DAPK2: variants seen among roughly 807,000 people sequenced by gnomAD.
DAPK2 encodes death associated protein kinase 2, also known as death-associated protein kinase 2.
A neutral mutation model predicts 44.1 loss-of-function variants in DAPK2; 35 were observed. The observed-to-expected ratio is 0.79, with a 90% CI of 0.61 to 1.05. The LOEUF (loss-of-function observed/expected upper bound fraction) is 1.05, where lower values mean the gene tolerates loss of function less well. Among genes scored for constraint, DAPK2 ranks in the 50% least tolerant of loss-of-function variants. The pLI is 0.00. For synonymous variants in DAPK2, 174 were observed against 182.6 expected (o/e 0.95, Z 0.38); for missense variants, 453 against 483.2 (o/e 0.94, Z 0.59).
At chr15:64,034,706 T>C (rs2080129282) in intron 1 of DAPK2, among the ~76,000 whole-genome samples, 2 of 152,250 alleles carry the variant, frequency 1.3e-5, no homozygotes, top group African/African-American at 4.8e-5. Context: ...GAGAAGTTTC[T>C]GCCTTTGAGT....
chr15:64,006,634 C>T (rs1428541911), intron 1 of DAPK2, among the ~76,000 whole-genome samples: 3 of 152,164 alleles, frequency 2.0e-5, no homozygotes, highest in South Asian at 4.1e-4. Flanking sequence ...AATTTCTTAC[C>T]GTCACCTCAC....
At chr15:64,017,441 G>A (rs1386708150) in intron 1 of DAPK2, among the ~76,000 whole-genome samples, 1 of 152,186 alleles carries the variant, frequency 6.6e-6, no homozygotes, top group Non-Finnish European at 1.5e-5. Flanking sequence ...CTCCACCGAG[G>A]TGGCTCTGCT....
upstream of DAPK2, among the ~76,000 whole-genome samples, chr15:64,043,831 C>T (rs1351643322): frequency 6.6e-6 from 1 of 152,182 alleles, no homozygotes; most frequent in Admixed American, 6.5e-5. Context: ...CCCATAAGGG[C>T]AAGAATTGTG....
chr15:63,967,100 A>T (rs2078075344), intron 3 of DAPK2, among the ~76,000 whole-genome samples: 1 of 152,156 alleles, frequency 6.6e-6, no homozygotes, highest in Non-Finnish European at 1.5e-5. Flanking sequence ...GAATGGCGTG[A>T]ACCTGGTAGG....
chr15:63,959,399 G>C (rs907391111), intron 3 of DAPK2, among the ~76,000 whole-genome samples: 6 of 152,196 alleles, frequency 3.9e-5, no homozygotes, highest in Non-Finnish European at 5.9e-5. Flanking sequence ...ATGTTGAATA[G>C]GAGTGGTGAG....
chr15:63,983,560 C>T lies in DAPK2; in HGVS notation c.287G>A (p.Arg96His), dbSNP rs201432861. 1.2e-4 allele frequency: 195 copies of T among 1,614,044 alleles called. No homozygotes were observed. Among genetic ancestry groups the T allele is most frequent in the Non-Finnish European group, 1.5e-4 (181 of 1,180,008 alleles). Residue 96 changes from arginine (R) to histidine (H), a missense_variant, in exon 2 of 11, where the codon CGC (arginine) becomes CAC (histidine). Transcript: ENST00000261891. ...CTCAAGGATGAGCACCACGTCGGTG[C>T]GGTTCTCATAGACGTCGTGCAGCGT... is the stretch of plus-strand genomic sequence containing the variant.
At chr15:63,926,229 G>T in intron 6 of DAPK2, 136 bp from the exon 8 acceptor site, 1 of 912,940 alleles carries the variant, frequency 1.1e-6, no homozygotes. Context: ...CCCCCTCTGG[G>T]CAGCCAACCA....
chr15:63,948,226 A>C (rs2077497699), intron 3 of DAPK2, among the ~76,000 whole-genome samples: 1 of 135,544 alleles, frequency 7.4e-6, no homozygotes, highest in African/African-American at 2.7e-5. Context: ...AGCGGAGATC[A>C]CACCACTGCA....
At chr15:63,998,900 C>A (rs948411496) in intron 1 of DAPK2, among the ~76,000 whole-genome samples, 2 of 152,268 alleles carry the variant, frequency 1.3e-5, no homozygotes, top group African/African-American at 4.8e-5. Flanking sequence ...AGATGCAGTG[C>A]CCATCCACGG....
chr15:64,041,132 C>T (rs1426524449), upstream of DAPK2, among the ~76,000 whole-genome samples: 1 of 152,126 alleles, frequency 6.6e-6, no homozygotes, highest in African/African-American at 2.4e-5. Flanking sequence ...GTTGTACCAC[C>T]CAACTGCGTG....
intron 1 of DAPK2, among the ~76,000 whole-genome samples, chr15:64,033,982 G>A (rs1802471895): frequency 1.3e-5 from 2 of 151,558 alleles, no homozygotes; most frequent in African/African-American, 2.4e-5. Flanking sequence ...TCAGCGAGAG[G>A]GCAGAGGGAG....
chr15:63,950,145 T>C (rs1221865262), intron 3 of DAPK2, among the ~76,000 whole-genome samples: 2 of 152,248 alleles, frequency 1.3e-5, no homozygotes, highest in Non-Finnish European at 1.5e-5. Context: ...CTTTCAAATG[T>C]ATGCACATTC....
rs145659978 is a variant in DAPK2 at position 63,952,737 on chromosome 15, C to T, written c.454-13376G>A. Among the ~76,000 whole-genome samples the T allele has an allele frequency of 4.6e-3, 694 of 151,980 alleles. 5 individuals are homozygous for T. Among genetic ancestry groups the T allele is most frequent in the Non-Finnish European group, 7.6e-3 (518 of 67,980 alleles). On this transcript the variant is annotated intron_variant, in intron 3 of 10. Coordinates refer to ENST00000261891, the Ensembl canonical transcript of DAPK2. ...GATATTTTGATACAGGCATACAATG[C>T]ATAATAATCATATCAGGATGAACAG...
At chr15:63,931,923 G>T (rs2076965284) in intron 4 of DAPK2, among the ~76,000 whole-genome samples, 1 of 152,118 alleles carries the variant, frequency 6.6e-6, no homozygotes, top group South Asian at 2.1e-4. Context: ...CCAGCACTTT[G>T]GGAGGCCAAG....
At chr15:64,011,204 T>C (rs2079380685) in intron 1 of DAPK2, among the ~76,000 whole-genome samples, 1 of 152,198 alleles carries the variant, frequency 6.6e-6, no homozygotes. Context: ...CCCAACTACG[T>C]GACTTCTGGC....
At chr15:64,040,312 G>T, upstream of DAPK2, 1 of 1,492,074 alleles carries the variant, frequency 6.7e-7, no homozygotes, top group Non-Finnish European at 9.4e-7. Context: ...ATCCAAATTA[G>T]CACAAGCCTA....
At chr15:63,996,369 G>C (rs915469661) in intron 1 of DAPK2, among the ~76,000 whole-genome samples, 1 of 152,182 alleles carries the variant, frequency 6.6e-6, no homozygotes, top group African/African-American at 2.4e-5. Context: ...TTTCAGCTTA[G>C]GAACAAGAGA....
At chr15:63,974,336 A>G (rs2078289958) in intron 2 of DAPK2, among the ~76,000 whole-genome samples, 2 of 152,210 alleles carry the variant, frequency 1.3e-5, no homozygotes, top group African/African-American at 4.8e-5. Flanking sequence ...CATGTGCCCA[A>G]GGTAGTTGGG....
At chr15:64,025,299 C>T (rs1289800152) in intron 1 of DAPK2, among the ~76,000 whole-genome samples, 2 of 152,150 alleles carry the variant, frequency 1.3e-5, no homozygotes, top group African/African-American at 4.8e-5. Flanking sequence ...AGGATGAAGC[C>T]AGGTAACAGA....
Sources: gnomAD v4.1 joint callset for allele counts (sites outside exome capture counted in the v4.1 genomes callset) on GRCh38, gnomAD v4.1.1 for gene constraint, MANE v1.5 for transcripts, NCBI Gene and HGNC (gene_info 2026-07-23, HGNC 2026-07-21) for gene names.